CERS3: variants seen among roughly 807,000 people sequenced by gnomAD.
CERS3 encodes ceramide synthase 3, also known as LAG1 homolog, ceramide synthase 3.
CERS3 carries 33 observed loss-of-function variants against 50.3 expected under a neutral mutation model. The observed-to-expected ratio is 0.66, with a 90% CI of 0.50 to 0.88. The LOEUF (loss-of-function observed/expected upper bound fraction) is 0.88, where lower values mean the gene tolerates loss of function less well. Ranked by LOEUF, CERS3 falls within the 40% of genes least tolerant of loss-of-function variation. The pLI, the probability that CERS3 is intolerant of heterozygous loss-of-function variation, is 0.00. For missense variants in CERS3, 470 were observed against 460.3 expected, an observed-to-expected ratio of 1.02 and a Z score of -0.19; for synonymous variants, 176 against 155.2, an observed-to-expected ratio of 1.13 and a Z score of -0.99.
intron 11 of CERS3, among the ~76,000 whole-genome samples, chr15:100,429,792 T>C (rs2033019314): frequency 6.6e-6 from 1 of 152,170 alleles, no homozygotes; most frequent in Non-Finnish European, 1.5e-5. Context: ...TCACCCCGTA[T>C]TGTACAATAT....
At chr15:100,515,385 G>C (rs767417356) in intron 2 of CERS3, among the ~76,000 whole-genome samples, 2 of 152,120 alleles carry the variant, frequency 1.3e-5, no homozygotes, top group African/African-American at 4.8e-5. Context: ...AGGTAATAAA[G>C]ACACAATAGC....
intron 11 of CERS3, among the ~76,000 whole-genome samples, chr15:100,420,723 G>C (rs567532836): frequency 2.2e-4 from 34 of 151,590 alleles, no homozygotes; most frequent in African/African-American, 8.0e-4. Context: ...ACATCAAAAA[G>C]CTTATCCACC....
At chr15:100,508,339 A>C (rs2036243007) in intron 2 of CERS3, among the ~76,000 whole-genome samples, 1 of 152,104 alleles carries the variant, frequency 6.6e-6, no homozygotes, top group South Asian at 2.1e-4. Context: ...CGTGTAAAGG[A>C]GGCTGCTGGC....
chr15:100,496,447 ATTTCAC>A (rs1297012126), intron 3 of CERS3, among the ~76,000 whole-genome samples: 2 of 152,236 alleles, frequency 1.3e-5, no homozygotes, highest in Non-Finnish European at 2.9e-5. Flanking sequence ...AATCTATATG[ATTTCAC>A]TTAAAGGAAA....
intron 11 of CERS3, among the ~76,000 whole-genome samples, chr15:100,429,583 C>A (rs2033008390): frequency 6.6e-6 from 1 of 152,166 alleles, no homozygotes; most frequent in Admixed American, 6.5e-5. Flanking sequence ...ACGCATTCCT[C>A]CAAGTTCTAC....
At chr15:100,436,944 T>C (rs963001028) in intron 11 of CERS3, among the ~76,000 whole-genome samples, 5 of 133,726 alleles carry the variant, frequency 3.7e-5, no homozygotes, top group Non-Finnish European at 7.7e-5. Flanking sequence ...TTTCCTGACT[T>C]TTTTTTTTTT....
chr15:100,477,639 T>A (rs1296168986), intron 7 of CERS3, among the ~76,000 whole-genome samples: 3 of 152,116 alleles, frequency 2.0e-5, no homozygotes, highest in African/African-American at 4.8e-5. Context: ...AAGAAGACCA[T>A]CCTATACATA....
chr15:100,416,873 A>G (rs1343685865), intron 11 of CERS3, among the ~76,000 whole-genome samples: 1 of 152,236 alleles, frequency 6.6e-6, no homozygotes, highest in Non-Finnish European at 1.5e-5. Flanking sequence ...CTACAAATCA[A>G]CAAGCAAAAA....
intron 3 of CERS3, among the ~76,000 whole-genome samples, chr15:100,494,209 T>C (rs943793612): frequency 6.1e-5 from 7 of 115,406 alleles, no homozygotes; most frequent in East Asian, 3.0e-4. Flanking sequence ...TTTTTTCTTT[T>C]CATATATATA....
intron 11 of CERS3, among the ~76,000 whole-genome samples, chr15:100,449,938 T>C (rs2034092608): frequency 6.6e-6 from 1 of 152,030 alleles, no homozygotes; most frequent in Non-Finnish European, 1.5e-5. Flanking sequence ...AATATAATTA[T>C]ATTAAAGAAC....
chr15:100,526,283 G>GC (rs1288998746), intron 1 of CERS3, among the ~76,000 whole-genome samples: 2 of 152,198 alleles, frequency 1.3e-5, no homozygotes, highest in Non-Finnish European at 2.9e-5. Context: ...GTTGGGGAGG[G>GC]CTTGGAAAGT....
chr15:100,493,184 A>C (rs1567659653), intron 3 of CERS3, among the ~76,000 whole-genome samples: 1 of 152,150 alleles, frequency 6.6e-6, no homozygotes, highest in Non-Finnish European at 1.5e-5. Context: ...TTGAGTTACT[A>C]TCTTGTGTAC....
intron 11 of CERS3, among the ~76,000 whole-genome samples, chr15:100,411,545 C>A (rs972943293): frequency 6.6e-6 from 1 of 152,062 alleles, no homozygotes; most frequent in African/African-American, 2.4e-5. Context: ...TCTCAATGGT[C>A]GCTGGATTGC....
intron 11 of CERS3, among the ~76,000 whole-genome samples, chr15:100,404,151 G>A (rs1205193582): frequency 6.6e-6 from 1 of 152,188 alleles, no homozygotes; most frequent in Non-Finnish European, 1.5e-5. Flanking sequence ...CTCCTCTAGT[G>A]CTTCTGAAAA....
At chr15:100,528,547 C>T (rs1320864530) in intron 1 of CERS3, among the ~76,000 whole-genome samples, 4 of 152,110 alleles carry the variant, frequency 2.6e-5, no homozygotes, top group African/African-American at 9.7e-5. Context: ...AGTTTGGACT[C>T]GAAATTTACC....
At chr15:100,488,219 C>A (rs1352590085) in intron 4 of CERS3, among the ~76,000 whole-genome samples, 2 of 152,192 alleles carry the variant, frequency 1.3e-5, no homozygotes, top group Admixed American at 1.3e-4. Flanking sequence ...CTGTGCTAAC[C>A]AGCCCACAGT....
intron 3 of CERS3, among the ~76,000 whole-genome samples, chr15:100,500,060 T>C (rs1352072289): frequency 3.3e-5 from 5 of 152,232 alleles, no homozygotes; most frequent in South Asian, 4.1e-4. Context: ...ATTTTATTTA[T>C]GATATAAGTG....
At chr15:100,487,997 C>G (rs539839443) in intron 4 of CERS3, among the ~76,000 whole-genome samples, 1 of 152,266 alleles carries the variant, frequency 6.6e-6, no homozygotes, top group African/African-American at 2.4e-5. Flanking sequence ...TACACGTTAC[C>G]TATAGCACTA....
chr15:100,473,090 G>A (rs2035020754), intron 8 of CERS3, 38 bp from the exon 9 acceptor site: 1 of 1,582,408 alleles, frequency 6.3e-7, no homozygotes, highest in East Asian at 2.2e-5. Context: ...TTAAGGAAAT[G>A]CATTTATTTC....
Sources: allele counts gnomAD v4.1 joint callset (sites outside exome capture counted in the v4.1 genomes callset), GRCh38; gene constraint gnomAD v4.1.1; transcripts MANE v1.5; gene names NCBI Gene and HGNC (gene_info 2026-07-23, HGNC 2026-07-21).